COLEC12: variants seen among roughly 807,000 people sequenced by gnomAD.
COLEC12 encodes collectin subfamily member 12.
In COLEC12, 33 loss-of-function variants were observed where a neutral mutation model predicts 71.1. That is an observed-to-expected ratio of 0.46 (90% CI 0.35 to 0.62). The LOEUF (loss-of-function observed/expected upper bound fraction) is 0.62, where lower values mean the gene tolerates loss of function less well. COLEC12 is among the 20% of genes least tolerant of loss of function. COLEC12 has a pLI of 0.00. For synonymous variants in COLEC12, 350 were observed against 353.0 expected (o/e 0.99, Z 0.10); for missense variants, 765 against 916.1 (o/e 0.84, Z 2.13).
chr18:450,063 G>A (rs1170187708), intron 2 of COLEC12, among the ~76,000 whole-genome samples: 1 of 152,172 alleles, frequency 6.6e-6, no homozygotes, highest in Non-Finnish European at 1.5e-5. Context: ...ATTAGGCATA[G>A]ATTGCCTTCA....
intron 3 of COLEC12, among the ~76,000 whole-genome samples, chr18:349,334 G>T (rs1399134419): frequency 6.6e-6 from 1 of 152,240 alleles, no homozygotes; most frequent in East Asian, 1.9e-4. Flanking sequence ...CAGCTTTCAT[G>T]TGTTGTTGAG....
At chr18:493,684 T>C (rs910171884) in intron 1 of COLEC12, among the ~76,000 whole-genome samples, 2 of 152,212 alleles carry the variant, frequency 1.3e-5, no homozygotes, top group Non-Finnish European at 2.9e-5. Context: ...AGAAAGTTAA[T>C]ACCAAATATT....
intron 2 of COLEC12, among the ~76,000 whole-genome samples, chr18:368,873 A>T: frequency 6.6e-6 from 1 of 152,226 alleles, no homozygotes. Flanking sequence ...CTCAAAAACA[A>T]AACAAAACAA....
At chr18:322,442 T>C (rs980958538) in intron 8 of COLEC12, among the ~76,000 whole-genome samples, 2 of 152,230 alleles carry the variant, frequency 1.3e-5, no homozygotes, top group Non-Finnish European at 2.9e-5. Flanking sequence ...TACATTTCAC[T>C]CCCTTTTTTG....
intron 2 of COLEC12, among the ~76,000 whole-genome samples, chr18:389,342 G>C (rs974840408): frequency 6.7e-6 from 1 of 149,686 alleles, no homozygotes; most frequent in Admixed American, 6.7e-5. Context: ...CAAGCTCTGC[G>C]ATCTCGGCTC....
At chr18:366,552 A>G (rs1276922693) in intron 2 of COLEC12, among the ~76,000 whole-genome samples, 1 of 151,896 alleles carries the variant, frequency 6.6e-6, no homozygotes, top group Non-Finnish European at 1.5e-5. Flanking sequence ...CTTCATAGCT[A>G]CCTCCTTGTA....
chr18:484,596 G>A (rs185123410), intron 1 of COLEC12, among the ~76,000 whole-genome samples: 4 of 152,236 alleles, frequency 2.6e-5, no homozygotes, highest in East Asian at 1.9e-4. Context: ...TTTTGGGGGC[G>A]AGGATAGAGA....
intron 2 of COLEC12, among the ~76,000 whole-genome samples, chr18:376,874 G>C (rs1181282447): frequency 6.6e-6 from 1 of 152,230 alleles, no homozygotes; most frequent in African/African-American, 2.4e-5. Context: ...CTAGAGGCTT[G>C]AGTGTGAGTC....
At chr18:323,872 TA>T (rs1460115469) in intron 8 of COLEC12, among the ~76,000 whole-genome samples, 13 of 152,238 alleles carry the variant, frequency 8.5e-5, no homozygotes, top group African/African-American at 2.9e-4. Flanking sequence ...TAAGTCATTT[TA>T]AGTTAAATAA....
chr18:369,722 G>T (rs893553580), intron 2 of COLEC12, among the ~76,000 whole-genome samples: 2 of 152,190 alleles, frequency 1.3e-5, no homozygotes, highest in Non-Finnish European at 2.9e-5. Context: ...AACTGAGAAT[G>T]TTTAAGGTTC....
chr18:335,231 C>A lies in COLEC12; in HGVS notation c.1328-1G>T. The A allele has an allele frequency of 1.9e-6, 3 of 1,572,954 alleles. No individual in the cohort carries two copies. The highest frequency in any genetic ancestry group is 2.1e-5 in the Admixed American group (1 of 47,330). On this transcript the variant is annotated splice_acceptor_variant, in intron 5 of 9. Coordinates refer to ENST00000400256, the MANE Select transcript of COLEC12 (RefSeq NM_130386.3). LOFTEE classifies it high-confidence loss of function. Reference sequence around the variant, plus strand: ...CTTGGACCCCTGGGGCCCGGTGGACCTAAAGCATAAAAGAAAAAGGTGTCA... The same window carrying A: ...CTTGGACCCCTGGGGCCCGGTGGACATAAAGCATAAAAGAAAAAGGTGTCA...
intron 2 of COLEC12, among the ~76,000 whole-genome samples, chr18:379,859 C>T (rs1408630667): frequency 6.6e-6 from 1 of 152,106 alleles, no homozygotes; most frequent in Non-Finnish European, 1.5e-5. Flanking sequence ...GGACGAAAGC[C>T]ATCTGGTAGC....
intron 2 of COLEC12, among the ~76,000 whole-genome samples, chr18:369,892 A>G (rs1914963082): frequency 6.6e-6 from 1 of 152,186 alleles, no homozygotes; most frequent in African/African-American, 2.4e-5. Flanking sequence ...GCAGCTATGG[A>G]GGACACATTT....
chr18:494,907 G>A (rs1011784368), intron 1 of COLEC12, among the ~76,000 whole-genome samples: 1 of 152,146 alleles, frequency 6.6e-6, no homozygotes, highest in Non-Finnish European at 1.5e-5. Context: ...AAGGAGTCAT[G>A]TTTAATATAT....
intron 2 of COLEC12, among the ~76,000 whole-genome samples, chr18:425,678 C>T (rs1234850478): frequency 2.0e-5 from 3 of 152,238 alleles, no homozygotes; most frequent in Non-Finnish European, 4.4e-5. Flanking sequence ...GCTGGCACCA[C>T]TAACCTCTCT....
chr18:489,169 T>C (rs1917575389), intron 1 of COLEC12, among the ~76,000 whole-genome samples: 1 of 152,108 alleles, frequency 6.6e-6, no homozygotes, highest in African/African-American at 2.4e-5. Context: ...TTATAAGAAT[T>C]TTACAAAGAA....
chr18:430,238 G>A (rs1271065386), intron 2 of COLEC12, among the ~76,000 whole-genome samples: 1 of 151,856 alleles, frequency 6.6e-6, no homozygotes, highest in Non-Finnish European at 1.5e-5. Context: ...GGAGGCTGAG[G>A]CACAAGAATC....
intron 1 of COLEC12, among the ~76,000 whole-genome samples, chr18:489,961 A>G (rs1261356992): frequency 6.6e-6 from 1 of 152,250 alleles, no homozygotes; most frequent in African/African-American, 2.4e-5. Flanking sequence ...ATCGTCATAA[A>G]GGACCACCAG....
At chr18:486,614 G>A (rs142249408) in intron 1 of COLEC12, among the ~76,000 whole-genome samples, 4 of 152,312 alleles carry the variant, frequency 2.6e-5, no homozygotes, top group Non-Finnish European at 5.9e-5. Flanking sequence ...TGGGACTCAG[G>A]GGTTCCACAC....
Sources: allele counts gnomAD v4.1 joint callset (sites outside exome capture counted in the v4.1 genomes callset), GRCh38; gene constraint gnomAD v4.1.1; transcripts MANE v1.5; gene names NCBI Gene and HGNC (gene_info 2026-07-23, HGNC 2026-07-21).